The following DUSP29 variants were observed in gnomAD, a reference collection of about 807,000 sequenced individuals.
DUSP29 encodes the protein dual specificity phosphatase 29, also known as atypical dual-specific protein phosphatase.
DUSP29 carries 12 observed loss-of-function variants against 13.5 expected under a neutral mutation model. The observed-to-expected ratio is 0.89, with a 90% confidence interval of 0.57 to 1.44. The LOEUF (loss-of-function observed/expected upper bound fraction) is 1.44, where lower values mean the gene tolerates loss of function less well. Among genes scored for constraint, DUSP29 ranks in the 40% most tolerant of loss-of-function variants. The pLI is 0.00. For missense variants in DUSP29, 308 were observed against 301.1 expected, an observed-to-expected ratio of 1.02 and a Z score of -0.17; for synonymous variants, 134 against 128.7, an observed-to-expected ratio of 1.04 and a Z score of -0.28.
intron 1 of DUSP29, among the ~76,000 whole-genome samples, chr10:75,068,609 C>T (rs1847254479): frequency 6.6e-6 from 1 of 152,112 alleles, no homozygotes; most frequent in South Asian, 2.1e-4. Flanking sequence ...CTGTGTACCA[C>T]GTTTCTTCCA....
intron 1 of DUSP29, among the ~76,000 whole-genome samples, chr10:75,068,156 A>T (rs943986043): frequency 6.6e-6 from 1 of 152,128 alleles, no homozygotes; most frequent in Non-Finnish European, 1.5e-5. Flanking sequence ...ATAACAGAAA[A>T]GTTACCACCT....
At chr10:75,070,160 T>C (rs1847300581) in intron 1 of DUSP29, among the ~76,000 whole-genome samples, 1 of 150,208 alleles carries the variant, frequency 6.7e-6, no homozygotes, top group African/African-American at 2.5e-5. Context: ...ACGTTCTAGA[T>C]AGGGAATAAC....
chr10:75,041,084 T>A (rs1464207259), intron 3 of DUSP29, among the ~76,000 whole-genome samples: 1 of 152,124 alleles, frequency 6.6e-6, no homozygotes, highest in African/African-American at 2.4e-5. Flanking sequence ...AGACTGTCTA[T>A]CCACACCACT....
At chr10:75,068,319 G>C (rs1847247897) in intron 1 of DUSP29, among the ~76,000 whole-genome samples, 1 of 151,972 alleles carries the variant, frequency 6.6e-6, no homozygotes, top group Admixed American at 6.6e-5. Flanking sequence ...AAAAGATAGA[G>C]AAAAAAATAG....
chr10:75,065,172 C>CA (rs1433942553), intron 1 of DUSP29, among the ~76,000 whole-genome samples: 1 of 151,622 alleles, frequency 6.6e-6, no homozygotes, highest in Non-Finnish European at 1.5e-5. Context: ...AACAAACAAA[C>CA]AAAAAAACAA....
intron 2 of DUSP29, 108 bp from the exon 3 acceptor site, chr10:75,044,125 G>C: frequency 9.4e-7 from 1 of 1,062,590 alleles, no homozygotes; most frequent in Non-Finnish European, 1.3e-6. Context: ...CCAGAATGAG[G>C]ACTAGTTATT....
chr10:75,052,418 TA>T (rs1846855147), intron 2 of DUSP29, among the ~76,000 whole-genome samples: 1 of 147,766 alleles, frequency 6.8e-6, no homozygotes, highest in South Asian at 2.3e-4. Context: ...GCCATTCTCC[TA>T]CCTCGGCCTC....
intron 1 of DUSP29, among the ~76,000 whole-genome samples, 92 bp downstream of exon 1, chr10:75,073,477 T>C (rs1847381046): frequency 6.6e-6 from 1 of 152,032 alleles, no homozygotes; most frequent in Admixed American, 6.5e-5. Context: ...AGGAACAGGG[T>C]GGAAAAGGGG....
At chr10:75,039,004 T>C (rs1481803944) in intron 3 of DUSP29, among the ~76,000 whole-genome samples, 1 of 152,118 alleles carries the variant, frequency 6.6e-6, no homozygotes, top group Non-Finnish European at 1.5e-5. Flanking sequence ...TGTTCCTTCT[T>C]GTGGTCAGAT....
At chr10:75,072,681 C>T (rs990516041) in intron 1 of DUSP29, among the ~76,000 whole-genome samples, 4 of 152,148 alleles carry the variant, frequency 2.6e-5, no homozygotes, top group South Asian at 2.1e-4. Context: ...CAGGTGCTGG[C>T]GGCCGTGAGT....
intron 2 of DUSP29, among the ~76,000 whole-genome samples, chr10:75,047,667 G>A (rs1846734060): frequency 6.6e-6 from 1 of 152,118 alleles, no homozygotes; most frequent in South Asian, 2.1e-4. Flanking sequence ...GATGACACAG[G>A]AGCTTTAGTT....
intron 1 of DUSP29, among the ~76,000 whole-genome samples, chr10:75,060,360 C>T (rs1021507279): frequency 1.3e-5 from 2 of 151,758 alleles, no homozygotes; most frequent in Non-Finnish European, 2.9e-5. Flanking sequence ...GTCCCAGCTA[C>T]TCAGGAGGCT....
intron 2 of DUSP29, among the ~76,000 whole-genome samples, chr10:75,055,138 G>A (rs747348285): frequency 2.6e-5 from 4 of 151,868 alleles, no homozygotes; most frequent in Non-Finnish European, 5.9e-5. Flanking sequence ...CATCATGCCC[G>A]GCCTATTACT....
intron 1 of DUSP29, among the ~76,000 whole-genome samples, chr10:75,062,569 C>G (rs1325008302): frequency 6.6e-6 from 1 of 152,204 alleles, no homozygotes; most frequent in Non-Finnish European, 1.5e-5. Flanking sequence ...CTATTATCCT[C>G]CAGCACGCAG....
At chr10:75,072,842 A>C (rs1362195251) in intron 1 of DUSP29, among the ~76,000 whole-genome samples, 1 of 152,086 alleles carries the variant, frequency 6.6e-6, no homozygotes, top group Non-Finnish European at 1.5e-5. Context: ...CAAGGGCACC[A>C]GGGTCTAATG....
At chr10:75,063,285 C>G (rs1399454337) in intron 1 of DUSP29, among the ~76,000 whole-genome samples, 1 of 152,140 alleles carries the variant, frequency 6.6e-6, no homozygotes, top group African/African-American at 2.4e-5. Flanking sequence ...GTAATCGATG[C>G]TATTCTTGCC....
intron 3 of DUSP29, among the ~76,000 whole-genome samples, chr10:75,042,138 G>A (rs776621263): frequency 6.6e-6 from 1 of 152,216 alleles, no homozygotes. Context: ...TATGCTAAGC[G>A]CTTTACGCGC....
At chr10:75,073,309 T>A (rs1847374858) in intron 1 of DUSP29, among the ~76,000 whole-genome samples, 2 of 152,298 alleles carry the variant, frequency 1.3e-5, no homozygotes. Context: ...AAGGGCTCGA[T>A]GAGCTTTAAT....
chr10:75,066,958 CT>C (rs61298475), intron 1 of DUSP29, among the ~76,000 whole-genome samples: 40 of 139,542 alleles, frequency 2.9e-4, no homozygotes, highest in South Asian at 4.5e-4. Context: ...TTTTCTTTTT[CT>C]TTTTTTTTTT....
Sources: allele counts gnomAD v4.1 joint callset (sites outside exome capture counted in the v4.1 genomes callset), GRCh38; gene constraint gnomAD v4.1.1; transcripts MANE v1.5; gene names NCBI Gene and HGNC (gene_info 2026-07-23, HGNC 2026-07-21).